Variants in OR6C2 observed in about 807,000 individuals in gnomAD.
OR6C2 encodes the protein olfactory receptor 6C2.
For synonymous variants in OR6C2, 146 were observed against 134.2 expected (o/e 1.09, Z -0.61); for missense variants, 435 against 365.8 (o/e 1.19, Z -1.54).
rs1004146306 is a variant in OR6C2 at position 55,452,826 on chromosome 12, C to T, written c.613C>T (p.Leu205Phe). The T allele has an allele frequency of 2.5e-6, 4 of 1,613,824 alleles. No homozygotes were observed. The highest frequency in any genetic ancestry group is 3.4e-6 in the Non-Finnish European group (4 of 1,179,790). ...QMVILMAVFA[L>F]IITLVCVILS... The stretch of plus-strand genomic sequence containing the variant: ...GGTTATACTTATGGCTGTATTTGCA[C>T]TCATTATCACCCTAGTTTGTGTGAT... The change falls in exon 2 of 2, where the codon CTC (leucine) becomes TTC (phenylalanine). Residue 205 changes from leucine (L) to phenylalanine (F), a missense_variant. Transcript: ENST00000641202.
chr12:55,446,868 T>C (rs114863808), intron 1 of OR6C2, among the ~76,000 whole-genome samples: 2,580 of 152,226 alleles, frequency 0.017, 28 homozygotes, highest in Middle Eastern at 0.058. Context: ...AAACTCAAAG[T>C]TCAGGTAAAG....
chr12:55,452,197 G>C lies in OR6C2; in HGVS notation c.-17G>C. ...GTGATTTTTAAAGGAGGATTGGGTA[G>C]ATATCAAAGAACAGTGATGAAAAAC... On this transcript the variant is annotated 5_prime_UTR_variant, in exon 2 of 2. Transcript: ENST00000641202. The C allele has an allele frequency of 6.7e-7, 1 of 1,483,322 alleles. No homozygotes were observed. Among genetic ancestry groups the C allele is most frequent in the Non-Finnish European group, 9.1e-7 (1 of 1,095,716 alleles). 91.9% of individuals were successfully genotyped at this position (1,483,322 alleles called of 1,614,324 possible).
intron 1 of OR6C2, among the ~76,000 whole-genome samples, chr12:55,450,052 A>G (rs932886451): frequency 6.6e-6 from 1 of 152,074 alleles, no homozygotes; most frequent in Non-Finnish European, 1.5e-5. Context: ...AATCTGTTTT[A>G]TTTCTTCACT....
Position 55,452,629 on chromosome 12 carries a change from G to T in OR6C2, c.416G>T (p.Cys139Phe). 2.5e-6 allele frequency: 4 copies of T among 1,613,834 alleles called. No individual in the cohort carries two copies. Among genetic ancestry groups the T allele is most frequent in the Non-Finnish European group, 3.4e-6 (4 of 1,179,850 alleles). ...HYVVIMNNRV[C>F]TLLVLCCWVA... Reference sequence around the variant, plus strand: ...GTGGTCATCATGAACAACAGGGTGTGTACCTTATTAGTTCTCTGCTGTTGG... The same window carrying T: ...GTGGTCATCATGAACAACAGGGTGTTTACCTTATTAGTTCTCTGCTGTTGG... Residue 139 changes from cysteine to phenylalanine, a missense_variant, in exon 2 of 2, where the codon TGT (cysteine) becomes TTT (phenylalanine). Cys to Phe is a radical substitution (Grantham distance 205). Coordinates refer to ENST00000641202, the MANE Select transcript of OR6C2 (RefSeq NM_054105.2).
chr12:55,446,547 G>A (rs1450160398), intron 1 of OR6C2, among the ~76,000 whole-genome samples: 3 of 152,142 alleles, frequency 2.0e-5, no homozygotes, highest in African/African-American at 7.2e-5. Context: ...AGAATTTAGT[G>A]GATGTGCTCT....
intron 1 of OR6C2, among the ~76,000 whole-genome samples, chr12:55,449,461 T>A (rs976600629): frequency 1.3e-5 from 2 of 151,894 alleles, no homozygotes; most frequent in Admixed American, 1.3e-4. Context: ...CTATTCATAG[T>A]GTTTACTTTT....
chr12:55,445,404 G>C (rs757039336), intron 1 of OR6C2, among the ~76,000 whole-genome samples: 1 of 152,282 alleles, frequency 6.6e-6, no homozygotes, highest in Non-Finnish European at 1.5e-5. Flanking sequence ...GATATTTGCA[G>C]TAATTTTTTA....
At chr12:55,449,159 T>C (rs74092326) in intron 1 of OR6C2, among the ~76,000 whole-genome samples, 2,143 of 151,998 alleles carry the variant, frequency 0.014, 55 homozygotes, top group African/African-American at 0.046. Flanking sequence ...AGCAAATTAT[T>C]TAAACAAAAA....
In OR6C2 at chr12:55,452,627, G is replaced by A. The variant is rs116474529; in HGVS notation, c.414G>A (p.Val138=). ...LHYVVIMNNR[V]CTLLVLCCWV... The stretch of plus-strand genomic sequence containing the variant: ...ATGTGGTCATCATGAACAACAGGGT[G>A]TGTACCTTATTAGTTCTCTGCTGTT... The change falls in exon 2 of 2, where the codon GTG becomes GTA. Residue 138 remains valine, a synonymous_variant. Coordinates refer to ENST00000641202, the MANE Select transcript of OR6C2 (RefSeq NM_054105.2). 1,516 of 1,613,852 alleles carry A rather than the reference G, an allele frequency of 9.4e-4. 14 individuals carry two copies. In the African/African-American group the frequency reaches 0.017, roughly 19 times the overall value.
At position 55,452,728 on chromosome 12, in the gene OR6C2, T is replaced by C. The variant is rs773394596; in HGVS notation, c.515T>C (p.Ile172Thr). Residue 172 changes from isoleucine to threonine, a missense_variant, in exon 2 of 2, where the codon ATT becomes ACT. By Grantham distance (89) the Ile-to-Thr change is moderately conservative (BLOSUM62 -1). Coordinates refer to ENST00000641202, the MANE Select transcript of OR6C2 (RefSeq NM_054105.2). ...LQLEFCDSNA[I>T]DHFSCDAGPL... ...CTCGAATTCTGTGACTCCAATGCCATTGATCATTTTAGCTGTGATGCAGGT... is the reference window on the plus strand; with the variant it reads ...CTCGAATTCTGTGACTCCAATGCCACTGATCATTTTAGCTGTGATGCAGGT... The C allele has an allele frequency of 2.9e-5, 47 of 1,613,750 alleles. No homozygotes were observed. The highest frequency in any genetic ancestry group is 3.8e-5 in the Non-Finnish European group (45 of 1,179,830).
Position 55,445,676 on chromosome 12 carries a change from C to T in OR6C2, c.-888+1517C>T, listed in dbSNP as rs552193648. ...CAGAGATGACATGAACAAAATAAGACCCATAATGCAAATTAAAGAAGCCAG... is the reference window on the plus strand; with the variant it reads ...CAGAGATGACATGAACAAAATAAGATCCATAATGCAAATTAAAGAAGCCAG... On this transcript the variant is annotated intron_variant, in intron 1 of 1. Transcript: ENST00000641202. Among the ~76,000 whole-genome samples, 18 of 152,192 alleles carry T rather than the reference C, an allele frequency of 1.2e-4. No individual in the cohort carries two copies. In the South Asian group the frequency reaches 1.5e-3, roughly 12 times the overall value.
rs567197972 is a variant in OR6C2 at position 55,446,426 on chromosome 12, G to A, written c.-888+2267G>A. ...ATTACAGTCATGAGCCACCGCGCCC[G>A]GCCAGTGGTAATTTTAGTGTAAATT... is the stretch of plus-strand genomic sequence containing the variant. On this transcript the variant is annotated intron_variant, in intron 1 of 1. Coordinates refer to ENST00000641202, the MANE Select transcript of OR6C2 (RefSeq NM_054105.2). Among the ~76,000 whole-genome samples the A allele has an allele frequency of 4.6e-5, 7 of 152,230 alleles. No homozygotes were observed. In the East Asian group the frequency reaches 9.7e-4, roughly 21 times the overall value.
intron 1 of OR6C2, among the ~76,000 whole-genome samples, chr12:55,450,722 A>G (rs372645638): frequency 2.6e-5 from 4 of 152,130 alleles, no homozygotes; most frequent in African/African-American, 9.6e-5. Context: ...AGGTCTGAAG[A>G]TTATTGAGAA....
chr12:55,444,144 CAGTA>C lies in OR6C2; in HGVS notation c.-898_-895del, dbSNP rs913054481. On this transcript the variant is annotated 5_prime_UTR_variant, in exon 1 of 2. Transcript: ENST00000641202. ...CTGAAATCGTGAAAAATTATCAAAA[CAGTA>C]AGTATTTTAAGGTAGGTATGACAAT... 6.6e-6 allele frequency: 1 copy of C among 152,056 alleles called. No homozygotes were observed. The highest frequency in any genetic ancestry group is 1.5e-5 in the Non-Finnish European group (1 of 67,986). 9.4% of individuals were successfully genotyped at this position (152,056 alleles called of 1,614,324 possible).
intron 1 of OR6C2, among the ~76,000 whole-genome samples, chr12:55,450,125 T>A (rs547760069): frequency 9.1e-4 from 139 of 152,176 alleles, no homozygotes; most frequent in Non-Finnish European, 1.6e-3. Flanking sequence ...TAAAATATTG[T>A]CTCTAAAGAA....
rs1871519569 is a variant in OR6C2 at position 55,452,981 on chromosome 12, C to G, written c.768C>G (p.Ile256Met). 1.2e-6 allele frequency: 2 copies of G among 1,613,578 alleles called. No individual in the cohort carries two copies. Among genetic ancestry groups the G allele is most frequent in the Non-Finnish European group, 1.7e-6 (2 of 1,179,744 alleles). ...TTGCCTATGGAAGCTGCATCTTCAT[C>G]TATATCAAGCCCTCTGCAAAAGATG... ...VSIAYGSCIF[I>M]YIKPSAKDEV... Residue 256 changes from isoleucine (I) to methionine (M), a missense_variant, in exon 2 of 2, where the codon ATC becomes ATG. Transcript: ENST00000641202.
At chr12:55,449,645 T>TA (rs1217703294) in intron 1 of OR6C2, among the ~76,000 whole-genome samples, 4 of 151,358 alleles carry the variant, frequency 2.6e-5, no homozygotes, top group South Asian at 2.1e-4. Flanking sequence ...TTTTGGCCTT[T>TA]AAAAAAAGAG....
Position 55,452,310 on chromosome 12 carries a change from T to A in OR6C2, c.97T>A (p.Tyr33Asn). The A allele has an allele frequency of 1.2e-6, 2 of 1,613,366 alleles. No individual in the cohort carries two copies. The highest frequency in any genetic ancestry group is 2.7e-5 in the African/African-American group (2 of 75,024). ...GCTTTTTATCTTTCTATTTCTCACCTACATGTTGAGTGTAACAGGGAACCT... is the reference window on the plus strand; with the variant it reads ...GCTTTTTATCTTTCTATTTCTCACCAACATGTTGAGTGTAACAGGGAACCT... ...VLLFIFLFLTYMLSVTGNLTI... is the reference protein window; with the variant it reads ...VLLFIFLFLTNMLSVTGNLTI... The change falls in exon 2 of 2, where the codon TAC becomes AAC. Residue 33 changes from tyrosine to asparagine, a missense_variant. By Grantham distance (143) the Tyr-to-Asn change is moderately radical (BLOSUM62 -2). Coordinates refer to ENST00000641202, the MANE Select transcript of OR6C2 (RefSeq NM_054105.2).
intron 1 of OR6C2, among the ~76,000 whole-genome samples, chr12:55,450,397 G>A (rs1871445029): frequency 2.0e-5 from 3 of 152,110 alleles, no homozygotes. Context: ...CTATGAAGAA[G>A]AAAGGTAAGA....
Sources: gnomAD v4.1 joint callset for allele counts (sites outside exome capture counted in the v4.1 genomes callset) on GRCh38, gnomAD v4.1.1 for gene constraint, MANE v1.5 for transcripts, NCBI Gene and HGNC (gene_info 2026-07-23, HGNC 2026-07-21) for gene names.